USP3: variants seen among roughly 807,000 people sequenced by gnomAD.
The protein encoded by USP3 is ubiquitin specific peptidase 3, also known as ubiquitin carboxyl-terminal hydrolase 3.
In USP3, 20 loss-of-function variants were observed where a neutral mutation model predicts 72.3. The ratio of observed to expected loss-of-function variants is 0.28; its 90% confidence interval spans 0.19 to 0.40. The LOEUF is 0.40. USP3 is among the 10% of genes least tolerant of loss of function. The pLI is 1.00. For missense variants in USP3, 479 were observed against 633.9 expected (o/e 0.76, Z 2.62); for synonymous variants, 222 against 225.3 (o/e 0.99, Z 0.13).
At position 63,574,287 on chromosome 15, in the gene USP3, T is replaced by C. The variant is rs1421901574; in HGVS notation, c.1016-36T>C. The C allele has an allele frequency of 1.3e-6, 2 of 1,546,210 alleles. No homozygotes were observed. The highest frequency in any genetic ancestry group is 2.8e-5 in the African/African-American group (2 of 71,792). ...TTATTTTGAATGGACATATATGCCT[T>C]TAACAGCTCTCTGTTTACCTCTCTC... On this transcript the variant is annotated intron_variant, in intron 10 of 14. Coordinates refer to ENST00000380324, the MANE Select transcript of USP3 (RefSeq NM_006537.4). The surrounding 1 kb of genome is among the most constrained non-coding windows in gnomAD (Gnocchi z 4.6).
At position 63,536,841 on chromosome 15, in the gene USP3, G is replaced by A. The variant is rs564611847; in HGVS notation, c.153-184G>A. 1.2e-3 allele frequency among the ~76,000 whole-genome samples: 174 copies of A among 151,296 alleles called. 1 individual carries two copies. The highest frequency in any genetic ancestry group is 4.1e-3 in the African/African-American group (169 of 41,206). Reference sequence around the variant, plus strand: ...TGCACTCCAGCCTGGGCAACAGAGCGAGACTCCGTCTCAAAAAAAAAAAAG... The same window carrying A: ...TGCACTCCAGCCTGGGCAACAGAGCAAGACTCCGTCTCAAAAAAAAAAAAG... On this transcript the variant is annotated intron_variant, in intron 2 of 14. Transcript: ENST00000380324.
At chr15:63,531,437 C>T (rs943708907) in intron 1 of USP3, among the ~76,000 whole-genome samples, 2 of 152,116 alleles carry the variant, frequency 1.3e-5, no homozygotes, top group Non-Finnish European at 2.9e-5. Flanking sequence ...ACTCCATTAC[C>T]TGTAATTTCA....
intron 1 of USP3, among the ~76,000 whole-genome samples, chr15:63,525,737 A>C (rs1165713707): frequency 1.3e-5 from 2 of 152,202 alleles, no homozygotes; most frequent in Non-Finnish European, 2.9e-5. Context: ...TAAGCATCTA[A>C]AAATGTTTCA....
intron 8 of USP3, among the ~76,000 whole-genome samples, 197 bp downstream of exon 8, chr15:63,563,205 T>C (rs931894109): frequency 3.3e-5 from 5 of 152,200 alleles, no homozygotes; most frequent in Non-Finnish European, 7.4e-5. Context: ...TAATAGACTA[T>C]AGAAATGTCT....
chr15:63,524,019 A>C (rs998786492), intron 1 of USP3, among the ~76,000 whole-genome samples: 19 of 152,228 alleles, frequency 1.2e-4, no homozygotes, highest in African/African-American at 3.9e-4. Context: ...TGGGATTTCT[A>C]TGGAAATAGT....
intron 3 of USP3, among the ~76,000 whole-genome samples, chr15:63,538,357 C>G (rs1453443928): frequency 6.6e-6 from 1 of 152,002 alleles, no homozygotes; most frequent in Non-Finnish European, 1.5e-5. Flanking sequence ...TGTCAGACAG[C>G]CCTTGAATGT....
At chr15:63,584,090 TTG>T (rs1401709255) in intron 11 of USP3, among the ~76,000 whole-genome samples, 86 of 142,846 alleles carry the variant, frequency 6.0e-4, no homozygotes, top group African/African-American at 2.2e-3. Flanking sequence ...TACAACGGTT[TTG>T]TTTTTTTTTT....
At chr15:63,571,694 A>G (rs1320638734) in intron 9 of USP3, among the ~76,000 whole-genome samples, 1 of 152,228 alleles carries the variant, frequency 6.6e-6, no homozygotes, top group Non-Finnish European at 1.5e-5. Context: ...ATGATTTTAC[A>G]TGATGCCTGG....
chr15:63,531,464 G>T (rs1481295552), intron 1 of USP3, among the ~76,000 whole-genome samples: 1 of 152,176 alleles, frequency 6.6e-6, no homozygotes, highest in Non-Finnish European at 1.5e-5. Context: ...TTGGGTCCTG[G>T]TCAAGTAAGC....
Position 63,504,771 on chromosome 15 carries a change from G to C in USP3, c.32G>C (p.Cys11Ser). 6.2e-7 allele frequency: 1 copy of C among 1,611,518 alleles called. No individual in the cohort carries two copies. The highest frequency in any genetic ancestry group is 8.5e-7 in the Non-Finnish European group (1 of 1,178,996). Reference protein sequence around the residue: MECPHLSSSVCIAPDSAKFPN... With the variant: MECPHLSSSVSIAPDSAKFPN... ...TGTCCACACCTGAGCTCCAGCGTCT[G>C]CATTGCTCCGGACTCAGCCAAGTTC... The change falls in exon 1 of 15, where the codon TGC (cysteine) becomes TCC (serine). Residue 11 changes from cysteine (C) to serine (S), a missense_variant. Coordinates refer to ENST00000380324, the MANE Select transcript of USP3 (RefSeq NM_006537.4).
Position 63,570,414 on chromosome 15 carries a change from G to T in USP3, c.762-19G>T, listed in dbSNP as rs1347262740. On this transcript the variant is annotated intron_variant, in intron 8 of 14. Transcript: ENST00000380324. This position sits in a 1 kb window ranked among gnomAD's most constrained non-coding sequence, Gnocchi z 4.4. ...GAGCCCTCCACCCGGCCTTATAAGT[G>T]ACTGTTTGTTTGCTTTAGGGGCTAT... is the stretch of plus-strand genomic sequence containing the variant. 4 of 1,613,726 alleles carry T rather than the reference G, an allele frequency of 2.5e-6. No individual in the cohort carries two copies. The South Asian group carries it at 4.4e-5, about 18-fold the overall frequency.
In USP3 at chr15:63,593,680, C is replaced by T. The variant is rs1465891293; in HGVS notation, c.*2854C>T. ...AGTGATTGGATCCATCTCAATTGTGCACTTGAACAGCAGTGATGTAAATGT... is the reference window on the plus strand; with the variant it reads ...AGTGATTGGATCCATCTCAATTGTGTACTTGAACAGCAGTGATGTAAATGT... On this transcript the variant is annotated 3_prime_UTR_variant, in exon 15 of 15. Transcript: ENST00000380324. 6.6e-6 allele frequency: 1 copy of T among 152,250 alleles called. No individual in the cohort carries two copies. Among genetic ancestry groups the T allele is most frequent in the Non-Finnish European group, 1.5e-5 (1 of 68,042 alleles). 9.4% of individuals were successfully genotyped at this position (152,250 alleles called of 1,614,324 possible). A position where few individuals can be genotyped will look rare whatever the true frequency, so the allele number is the denominator to read the frequency against.
chr15:63,525,425 C>T lies in USP3; in HGVS notation c.92-7222C>T, dbSNP rs539490653. ...CCCTGTTCCCTGGGAACCTAACCAT[C>T]CTCTTTCAGAATGAGCAGCATTGTT... On this transcript the variant is annotated intron_variant, in intron 1 of 14. Coordinates refer to ENST00000380324, the MANE Select transcript of USP3 (RefSeq NM_006537.4). Among the ~76,000 whole-genome samples, 153 of 152,324 alleles carry T rather than the reference C, an allele frequency of 1.0e-3. 2 individuals carry two copies. Among genetic ancestry groups the T allele is most frequent in the Non-Finnish European group, 1.6e-3 (107 of 68,024 alleles).
In USP3 at chr15:63,588,577, G is replaced by A; in HGVS notation, c.1216-125G>A. 1.1e-6 allele frequency: 1 copy of A among 914,346 alleles called. No homozygotes were observed. The highest frequency in any genetic ancestry group is 1.7e-6 in the Non-Finnish European group (1 of 578,654). 56.6% of individuals were successfully genotyped at this position (914,346 alleles called of 1,614,324 possible). On this transcript the variant is annotated intron_variant, in intron 12 of 14. Coordinates refer to ENST00000380324, the MANE Select transcript of USP3 (RefSeq NM_006537.4). The surrounding 1 kb of genome is among the most constrained non-coding windows in gnomAD (Gnocchi z 4.6). ...ACCCCTTACAGAATGAATGCATAAG[G>A]TATGCATGGAAGAATGATTGATAGG...
At chr15:63,515,905 C>T (rs1048236445) in intron 1 of USP3, among the ~76,000 whole-genome samples, 2 of 152,302 alleles carry the variant, frequency 1.3e-5, no homozygotes, top group South Asian at 4.1e-4. Context: ...TTAGCATTCT[C>T]TCTCATATTT....
intron 2 of USP3, among the ~76,000 whole-genome samples, chr15:63,534,941 T>TTTATTTAC (rs1459432229): frequency 2.6e-5 from 4 of 151,526 alleles, no homozygotes; most frequent in African/African-American, 9.7e-5. Context: ...TATTTATTTA[T>TTTATTTAC]TTACTTATTG....
At chr15:63,582,741 C>T (rs1441616075) in intron 11 of USP3, among the ~76,000 whole-genome samples, 1 of 152,068 alleles carries the variant, frequency 6.6e-6, no homozygotes, top group Non-Finnish European at 1.5e-5. Context: ...TGGGAGAAGG[C>T]ATAAAGAGCC....
intron 1 of USP3, among the ~76,000 whole-genome samples, chr15:63,511,404 C>G (rs1426774695): frequency 6.6e-6 from 1 of 151,522 alleles, no homozygotes; most frequent in South Asian, 2.1e-4. Context: ...ATTTTAAGTT[C>G]CACATCTCAA....
chr15:63,586,079 G>C (rs973649870), intron 11 of USP3, among the ~76,000 whole-genome samples: 1 of 152,170 alleles, frequency 6.6e-6, no homozygotes, highest in African/African-American at 2.4e-5. Context: ...ATAGCTTTCA[G>C]GTAGTTAACT....
Sources: gnomAD v4.1 joint callset for allele counts (sites outside exome capture counted in the v4.1 genomes callset) on GRCh38, gnomAD v4.1.1 for gene constraint, Gnocchi (gnomAD v3.1) non-coding constraint, MANE v1.5 for transcripts, NCBI Gene and HGNC (gene_info 2026-07-23, HGNC 2026-07-21) for gene names.